Variants in SLC35F3 observed in about 807,000 individuals in gnomAD.
The protein encoded by SLC35F3 is putative thiamine transporter SLC35F3.
SLC35F3 carries 25 observed loss-of-function variants against 49.9 expected under a neutral mutation model. The ratio of observed to expected loss-of-function variants is 0.50; its 90% CI spans 0.37 to 0.70. The LOEUF (loss-of-function observed/expected upper bound fraction) is 0.70. Among genes scored for constraint, SLC35F3 ranks in the 30% least tolerant of loss-of-function variants. SLC35F3 has a pLI of 0.00. For synonymous variants in SLC35F3, 275 were observed against 265.4 expected, an observed-to-expected ratio of 1.04 and a Z score of -0.35; for missense variants, 525 against 639.8, an observed-to-expected ratio of 0.82 and a Z score of 1.94.
chr1:233,984,033 C>T (rs1166195616), intron 2 of SLC35F3, among the ~76,000 whole-genome samples: 1 of 152,200 alleles, frequency 6.6e-6, no homozygotes, highest in Non-Finnish European at 1.5e-5. Context: ...TGCGTTTTCC[C>T]TCCTCTCTGG....
chr1:234,061,597 T>C (rs1664541435), intron 2 of SLC35F3, among the ~76,000 whole-genome samples: 1 of 152,146 alleles, frequency 6.6e-6, no homozygotes, highest in Admixed American at 6.5e-5. Context: ...ATATTGGTAA[T>C]TGGTGTGCTT....
chr1:234,172,823 C>T (rs1053570067), intron 2 of SLC35F3, among the ~76,000 whole-genome samples: 2 of 152,142 alleles, frequency 1.3e-5, no homozygotes, highest in African/African-American at 4.8e-5. Context: ...GTATTATAAT[C>T]CGATGTGGCC....
chr1:234,039,086 G>A (rs6700550), intron 2 of SLC35F3, among the ~76,000 whole-genome samples: 21,467 of 152,224 alleles, frequency 0.14, 4,331 homozygotes, highest in African/African-American at 0.45. Context: ...AGAAGTTTGT[G>A]ACAGAGTTAC....
At chr1:234,299,902 AAGAG>A (rs950933840) in intron 3 of SLC35F3, among the ~76,000 whole-genome samples, 4 of 152,028 alleles carry the variant, frequency 2.6e-5, no homozygotes. Context: ...AACTTTTTAA[AAGAG>A]AGAAAGAAAG....
At chr1:234,049,007 C>T (rs1664334058) in intron 2 of SLC35F3, among the ~76,000 whole-genome samples, 2 of 152,166 alleles carry the variant, frequency 1.3e-5, no homozygotes, top group Non-Finnish European at 2.9e-5. Context: ...TAAGAATTTG[C>T]CTCAGCATGA....
chr1:233,917,305 G>T (rs1048407073), intron 2 of SLC35F3, among the ~76,000 whole-genome samples: 2 of 152,120 alleles, frequency 1.3e-5, no homozygotes, highest in African/African-American at 4.8e-5. Flanking sequence ...TTATTGTAGG[G>T]CACCATAAAC....
intron 2 of SLC35F3, among the ~76,000 whole-genome samples, chr1:234,062,496 C>T (rs928093864): frequency 2.0e-5 from 3 of 152,216 alleles, no homozygotes; most frequent in Non-Finnish European, 2.9e-5. Context: ...TCCCAGCTGT[C>T]TCCTTCCTTG....
intron 3 of SLC35F3, chr1:234,274,024 T>A (rs565143945): frequency 6.6e-6 from 1 of 152,318 alleles, no homozygotes; most frequent in South Asian, 2.1e-4. Context: ...ACTCCACTTT[T>A]AAAAGGAAAA....
At chr1:234,096,788 C>G (rs1197529065) in intron 2 of SLC35F3, among the ~76,000 whole-genome samples, 1 of 152,050 alleles carries the variant, frequency 6.6e-6, no homozygotes, top group Non-Finnish European at 1.5e-5. Context: ...ATTTCAATGA[C>G]CTAATATTGC....
intron 2 of SLC35F3, among the ~76,000 whole-genome samples, chr1:233,914,811 T>A (rs114426916): frequency 0.017 from 2,527 of 152,170 alleles, 61 homozygotes; most frequent in African/African-American, 0.057. Context: ...TGAATGTGCA[T>A]TGATTAATAG....
At chr1:234,238,486 G>A (rs901111034) in intron 3 of SLC35F3, among the ~76,000 whole-genome samples, 16 of 152,106 alleles carry the variant, frequency 1.1e-4, no homozygotes, top group African/African-American at 3.9e-4. Flanking sequence ...ACAGAACATC[G>A]TCCACATGCC....
intron 2 of SLC35F3, among the ~76,000 whole-genome samples, chr1:234,096,002 C>T (rs1354910869): frequency 1.3e-5 from 2 of 152,148 alleles, no homozygotes; most frequent in Admixed American, 6.6e-5. Context: ...ATTTTGCTTC[C>T]ATTTCTTCTT....
intron 2 of SLC35F3, among the ~76,000 whole-genome samples, chr1:234,173,156 C>T (rs144213708): frequency 4.6e-5 from 7 of 152,304 alleles, no homozygotes; most frequent in Non-Finnish European, 1.0e-4. Flanking sequence ...TCCAGCATTT[C>T]ACTAGGAACA....
chr1:233,935,687 C>T (rs1662312785), intron 2 of SLC35F3, among the ~76,000 whole-genome samples: 1 of 152,170 alleles, frequency 6.6e-6, no homozygotes, highest in Non-Finnish European at 1.5e-5. Flanking sequence ...GTCTCTTGCC[C>T]TGCCCCAGTT....
At chr1:234,105,008 G>A (rs1665264425) in intron 2 of SLC35F3, among the ~76,000 whole-genome samples, 1 of 151,780 alleles carries the variant, frequency 6.6e-6, no homozygotes, top group South Asian at 2.1e-4. Context: ...GGCACCTGTA[G>A]TCCCAGCTAC....
intron 2 of SLC35F3, among the ~76,000 whole-genome samples, chr1:234,190,190 C>A (rs943448575): frequency 4.6e-5 from 7 of 152,146 alleles, no homozygotes; most frequent in African/African-American, 1.7e-4. Context: ...CAACAAATAG[C>A]ATGATGAATT....
At chr1:234,103,246 C>G (rs962524143) in intron 2 of SLC35F3, among the ~76,000 whole-genome samples, 4 of 152,092 alleles carry the variant, frequency 2.6e-5, no homozygotes, top group African/African-American at 9.7e-5. Context: ...TTGGTACCCA[C>G]CCCCACCCTC....
intron 2 of SLC35F3, among the ~76,000 whole-genome samples, chr1:234,224,676 C>T (rs1001415655): frequency 1.3e-5 from 2 of 152,184 alleles, no homozygotes; most frequent in South Asian, 2.1e-4. Context: ...TCTGTATTCC[C>T]GTTGATGCTC....
At chr1:234,213,405 G>A (rs1476142801) in intron 2 of SLC35F3, 1 of 152,278 alleles carries the variant, frequency 6.6e-6, no homozygotes, top group Admixed American at 6.5e-5. Flanking sequence ...ATGAACACAA[G>A]GCCCTGGGAG....
Sources: gnomAD v4.1 joint callset for allele counts (sites outside exome capture counted in the v4.1 genomes callset) on GRCh38, gnomAD v4.1.1 for gene constraint, MANE v1.5 for transcripts, NCBI Gene and HGNC (gene_info 2026-07-23, HGNC 2026-07-21) for gene names.